Variants in JAK2 observed in about 807,000 individuals in gnomAD.
The protein encoded by JAK2 is Janus kinase 2.
JAK2 carries 86 observed loss-of-function variants against 139.3 expected under a neutral mutation model. The ratio of observed to expected loss-of-function variants is 0.62; its 90% CI spans 0.52 to 0.74. The LOEUF (loss-of-function observed/expected upper bound fraction) is 0.74. JAK2 is among the 30% of genes least tolerant of loss of function. The pLI is 0.00. For synonymous variants in JAK2, 490 were observed against 437.7 expected (o/e 1.12, Z -1.49); for missense variants, 1,421 against 1,360.3 (o/e 1.04, Z -0.70).
chr9:5,112,627 C>G lies in JAK2; in HGVS notation c.3060-10377C>G. The G allele has an allele frequency of 3.0e-6, 3 of 984,258 alleles. No homozygotes were observed. In the South Asian group the frequency reaches 6.1e-5, roughly 20 times the overall value. 61.0% of individuals were successfully genotyped at this position (984,258 alleles called of 1,614,324 possible). A position where few individuals can be genotyped will look rare whatever the true frequency, so the allele number is the denominator to read the frequency against. On this transcript the variant is annotated intron_variant, in intron 22 of 24. Transcript: ENST00000381652. Reference sequence around the variant, plus strand: ...TGGGGCGCATGTGGCAACTGCACCTCAACAGCGAGAAGCCCCAGACCAAAC... The same window carrying G: ...TGGGGCGCATGTGGCAACTGCACCTGAACAGCGAGAAGCCCCAGACCAAAC...
chr9:4,987,639 G>A (rs909845222), intron 2 of JAK2, among the ~76,000 whole-genome samples: 1 of 150,932 alleles, frequency 6.6e-6, no homozygotes, highest in Non-Finnish European at 1.5e-5. Flanking sequence ...GGGAGGGTGA[G>A]GCAGGAGAAT....
rs941996646 is a variant in JAK2 at position 5,128,480 on chromosome 9, C to G, written c.*1689C>G. On this transcript the variant is annotated 3_prime_UTR_variant, in exon 25 of 25. Coordinates refer to ENST00000381652, the MANE Select transcript of JAK2 (RefSeq NM_004972.4). ...TACTACCTTTCAAGTGAAAAATAGC[C>G]TATCATACAATATGCTTGATTTCAG... Among the ~76,000 whole-genome samples the G allele has an allele frequency of 6.6e-6, 1 of 151,782 alleles. No homozygotes were observed. Among genetic ancestry groups the G allele is most frequent in the Admixed American group, 6.6e-5 (1 of 15,240 alleles).
intron 8 of JAK2, among the ~76,000 whole-genome samples, chr9:5,056,002 G>A (rs1021147862): frequency 1.3e-5 from 2 of 151,840 alleles, no homozygotes; most frequent in Non-Finnish European, 2.9e-5. Flanking sequence ...GTACATTACT[G>A]TACTTTTTTT....
Position 5,085,595 on chromosome 9 carries a change from C to T in JAK2, c.2571+3734C>T, listed in dbSNP as rs567801202. 11 of 696,066 alleles carry T rather than the reference C, an allele frequency of 1.6e-5. No homozygotes were observed. The East Asian group carries it at 1.8e-4, about 11-fold the overall frequency. The allele number at this position is 696,066 out of a possible 1,614,324, so 43.1% of individuals were successfully genotyped here. A position where few individuals can be genotyped will look rare whatever the true frequency, so the allele number is the denominator to read the frequency against. ...CCAGTTTGTGCCCCACCTATAGATA[C>T]TACAGAAAGAATTAAATCTCCAGCA... On this transcript the variant is annotated intron_variant, in intron 19 of 24. Coordinates refer to ENST00000381652, the MANE Select transcript of JAK2 (RefSeq NM_004972.4).
At chr9:5,117,721 T>TA (rs1823307256) in intron 22 of JAK2, among the ~76,000 whole-genome samples, 1 of 152,004 alleles carries the variant, frequency 6.6e-6, no homozygotes, top group Admixed American at 6.5e-5. Context: ...ATATGGTAAA[T>TA]ACTGGTAGAT....
intron 22 of JAK2, chr9:5,094,485 CCAGA>C (rs2130705980): frequency 6.6e-6 from 1 of 152,202 alleles, no homozygotes; most frequent in Non-Finnish European, 1.5e-5. Flanking sequence ...GAGCTGTGGC[CCAGA>C]CAATTTCATA....
intron 5 of JAK2, among the ~76,000 whole-genome samples, chr9:5,045,658 G>A (rs7045491): frequency 0.34 from 51,277 of 151,924 alleles, 9,213 homozygotes; most frequent in African/African-American, 0.47. Flanking sequence ...TACAAATGGA[G>A]TTATATAGCA....
chr9:5,099,439 T>C (rs1035550640), intron 22 of JAK2: 5 of 152,216 alleles, frequency 3.3e-5, no homozygotes, highest in Non-Finnish European at 7.3e-5. Context: ...GATCCATTAT[T>C]ATCCTGTCAA....
intron 4 of JAK2, among the ~76,000 whole-genome samples, chr9:5,035,026 A>G (rs77617331): frequency 7.0e-4 from 107 of 152,320 alleles, no homozygotes; most frequent in Middle Eastern, 6.8e-3. Context: ...AATCAAATAC[A>G]TGCAATAAAA....
intron 2 of JAK2, among the ~76,000 whole-genome samples, chr9:5,008,692 T>C (rs1821484005): frequency 6.6e-6 from 1 of 152,230 alleles, no homozygotes; most frequent in African/African-American, 2.4e-5. Flanking sequence ...GATCCTTTGC[T>C]TTGATTTGTA....
At chr9:5,111,732 G>C (rs939514753) in intron 22 of JAK2, 15 of 431,292 alleles carry the variant, frequency 3.5e-5, no homozygotes, top group Non-Finnish European at 6.4e-5. Context: ...GAGCGCGTGG[G>C]CTACCGGCTG....
At chr9:5,013,486 C>T (rs1821837414) in intron 2 of JAK2, among the ~76,000 whole-genome samples, 1 of 152,120 alleles carries the variant, frequency 6.6e-6, no homozygotes, top group Admixed American at 6.5e-5. Flanking sequence ...ACTCCATTGC[C>T]TTTTGGGACA....
chr9:5,105,939 A>C lies in JAK2; in HGVS notation c.3059+15028A>C, dbSNP rs554488520. Among the ~76,000 whole-genome samples, 12 of 152,378 alleles carry C rather than the reference A, an allele frequency of 7.9e-5. No homozygotes were observed. In the South Asian group the frequency reaches 2.3e-3, roughly 29 times the overall value. The stretch of plus-strand genomic sequence containing the variant: ...AAGATGGATTAAAGACTTAAATGTT[A>C]GACTTAAAACCATAAAAGCCCTAGA... On this transcript the variant is annotated intron_variant, in intron 22 of 24. Transcript: ENST00000381652.
At chr9:5,068,237 T>C (rs1277634175) in intron 10 of JAK2, among the ~76,000 whole-genome samples, 2 of 151,880 alleles carry the variant, frequency 1.3e-5, no homozygotes, top group East Asian at 3.9e-4. Flanking sequence ...CCTTGAGGTA[T>C]TGGTAGATTT....
At chr9:4,987,633 G>T (rs1222015953) in intron 2 of JAK2, among the ~76,000 whole-genome samples, 1 of 149,302 alleles carries the variant, frequency 6.7e-6, no homozygotes. Flanking sequence ...CTACTCGGGA[G>T]GGTGAGGCAG....
chr9:5,057,580 C>CTTTTTTT (rs541931562), intron 8 of JAK2, among the ~76,000 whole-genome samples: 15 of 116,796 alleles, frequency 1.3e-4, no homozygotes, highest in East Asian at 2.3e-4. Flanking sequence ...ATTCTACTTT[C>CTTTTTTT]TTTTTTTTTT....
At chr9:5,112,514 C>CA (rs1298859426) in intron 22 of JAK2, 1 of 576,896 alleles carries the variant, frequency 1.7e-6, no homozygotes, top group African/African-American at 1.9e-5. Flanking sequence ...GACCTTTTCC[C>CA]CCCAGAGCAG....
intron 4 of JAK2, among the ~76,000 whole-genome samples, chr9:5,030,356 A>G (rs1823065863): frequency 6.6e-6 from 1 of 152,190 alleles, no homozygotes. Flanking sequence ...GTTAATTTAT[A>G]TAATTTATGG....
chr9:5,114,790 C>T (rs947026453), intron 22 of JAK2: 7 of 303,654 alleles, frequency 2.3e-5, no homozygotes, highest in African/African-American at 1.5e-4. Flanking sequence ...TAACTGTTGT[C>T]TGTAAATCCC....
Sources: allele counts gnomAD v4.1 joint callset (sites outside exome capture counted in the v4.1 genomes callset), GRCh38; gene constraint gnomAD v4.1.1; transcripts MANE v1.5; gene names NCBI Gene and HGNC (gene_info 2026-07-23, HGNC 2026-07-21).